Variants in ZNF726 observed in about 807,000 individuals in gnomAD.
ZNF726 encodes zinc finger protein 726.
Under a neutral mutation model 11.6 loss-of-function variants are expected in ZNF726, and 15 were observed. That is an observed-to-expected ratio of 1.29 (90% confidence interval 0.86 to 1.99). The LOEUF (loss-of-function observed/expected upper bound fraction) is 1.99. Ranked by LOEUF, ZNF726 falls within the 30% of genes most tolerant of loss-of-function variation. ZNF726 has a pLI of 0.00. For synonymous variants in ZNF726, 295 were observed against 243.6 expected (o/e 1.21, Z -1.96); for missense variants, 890 against 725.6 (o/e 1.23, Z -2.60).
intron 3 of ZNF726, chr19:23,929,061 G>A (rs969686478): frequency 6.6e-6 from 1 of 151,884 alleles, no homozygotes; most frequent in Non-Finnish European, 1.5e-5. Flanking sequence ...ACCTCTCAAA[G>A]TCCTGAGATT....
At chr19:23,936,039 A>C (rs1367912142), downstream of ZNF726, 1 of 152,240 alleles carries the variant, frequency 6.6e-6, no homozygotes, top group East Asian at 1.9e-4. Flanking sequence ...AGTTATTAAA[A>C]TTTTGTTCAA....
Position 23,932,943 on chromosome 19 carries a change from A to G in ZNF726, c.827A>G (p.Lys276Arg), listed in dbSNP as rs772042669. ...CAATCCTCAACACTAACCATACATA[A>G]GAGGATACATACTGGAGAGAAACCC... ...FSQSSTLTIH[K>R]RIHTGEKPCK... The change falls in exon 4 of 4, where the codon AAG becomes AGG. Residue 276 changes from lysine (K) to arginine (R), a missense_variant. Coordinates refer to ENST00000594466, the MANE Select transcript of ZNF726 (RefSeq NM_001244038.2). 6.5e-5 allele frequency: 105 copies of G among 1,611,730 alleles called. No individual in the cohort carries two copies. The highest frequency in any genetic ancestry group is 8.8e-5 in the Non-Finnish European group (104 of 1,179,598).
chr19:23,919,944 A>T (rs1214567433), intron 2 of ZNF726, 43 bp from the exon 3 acceptor site: 1 of 1,399,900 alleles, frequency 7.1e-7, no homozygotes, highest in Non-Finnish European at 9.8e-7. Context: ...TGGTAATTGG[A>T]GAATATGAGC....
At position 23,933,003 on chromosome 19, in the gene ZNF726, A is replaced by G. The variant is rs1968145980; in HGVS notation, c.887A>G (p.Gln296Arg). ...GAAGAATGTGGCAAAGCATTTAGCC[A>G]ACCCTCAGCACTAACCATACATAAG... ...KCEECGKAFS[Q>R]PSALTIHKRM... Residue 296 changes from glutamine (Q) to arginine (R), a missense_variant, in exon 4 of 4, where the codon CAA (glutamine) becomes CGA (arginine). Transcript: ENST00000594466. The G allele has an allele frequency of 6.2e-7, 1 of 1,612,026 alleles. No homozygotes were observed. Among genetic ancestry groups the G allele is most frequent in the South Asian group, 1.1e-5 (1 of 90,954 alleles).
At chr19:23,937,945 TTATG>T (rs2145000249), downstream of ZNF726, among the ~76,000 whole-genome samples, 2 of 152,376 alleles carry the variant, frequency 1.3e-5, no homozygotes, top group East Asian at 3.9e-4. Flanking sequence ...TATTTTTAAA[TTATG>T]TGTGAACTTA....
At chr19:23,921,312 G>A (rs1387658523) in intron 3 of ZNF726, 4 of 152,066 alleles carry the variant, frequency 2.6e-5, no homozygotes, top group Non-Finnish European at 5.9e-5. Flanking sequence ...TATATATATA[G>A]TTTGAAATTA....
chr19:23,923,611 C>T lies in ZNF726; in HGVS notation c.226+3529C>T, dbSNP rs180905926. ...ATTTTTAGTAGAAACGGGGTTTCAC[C>T]GTGCTCTCGATCTCCTGATCTCGTG... is the stretch of plus-strand genomic sequence containing the variant. On this transcript the variant is annotated intron_variant, in intron 3 of 3. Coordinates refer to ENST00000594466, the MANE Select transcript of ZNF726 (RefSeq NM_001244038.2). 398 of 181,914 alleles carry T rather than the reference C, an allele frequency of 2.2e-3. 2 individuals carry two copies. Among genetic ancestry groups the T allele is most frequent in the African/African-American group, 6.4e-3 (266 of 41,644 alleles). 11.3% of individuals were successfully genotyped at this position (181,914 alleles called of 1,614,324 possible). A position where few individuals can be genotyped will look rare whatever the true frequency, so the allele number is the denominator to read the frequency against.
At chr19:23,926,588 A>G (rs935932928) in intron 3 of ZNF726, among the ~76,000 whole-genome samples, 3 of 145,928 alleles carry the variant, frequency 2.1e-5, no homozygotes, top group African/African-American at 7.5e-5. Context: ...AAAAAAAAAA[A>G]AGTTATCTTC....
intron 3 of ZNF726, among the ~76,000 whole-genome samples, chr19:23,925,810 G>T (rs1276456817): frequency 6.8e-6 from 1 of 147,130 alleles, no homozygotes; most frequent in Non-Finnish European, 1.5e-5. Flanking sequence ...TCCGCCTCCT[G>T]GGTTCAAGCG....
At chr19:23,942,262 A>C (rs950446257) in intron 3 of ZNF726, among the ~76,000 whole-genome samples, 1 of 152,084 alleles carries the variant, frequency 6.6e-6, no homozygotes, top group South Asian at 2.1e-4. Flanking sequence ...ATGTATTTGC[A>C]TGGTTTTGAA....
intron 4 of ZNF726, chr19:23,943,643 AAG>A (rs761663176): frequency 3.7e-6 from 2 of 540,984 alleles, no homozygotes; most frequent in Non-Finnish European, 6.9e-6. Flanking sequence ...AAAGGTCAAA[AAG>A]AATGCCAGAC....
At chr19:23,937,269 G>T (rs1362822352), downstream of ZNF726, among the ~76,000 whole-genome samples, 1 of 151,698 alleles carries the variant, frequency 6.6e-6, no homozygotes, top group African/African-American at 2.4e-5. Context: ...CGGGGCGGCT[G>T]GCCGGGCGGG....
At chr19:23,930,330 G>A (rs1027009945) in intron 3 of ZNF726, among the ~76,000 whole-genome samples, 1 of 151,428 alleles carries the variant, frequency 6.6e-6, no homozygotes, top group African/African-American at 2.4e-5. Context: ...TGAATATATT[G>A]ATCTAGTTGA....
At chr19:23,943,550 T>C in exon 4 of ZNF726, 1 of 677,344 alleles carries the variant, frequency 1.5e-6, no homozygotes, top group Non-Finnish European at 2.7e-6. Flanking sequence ...AAAAGAGCCC[T>C]GGAATGTGAA....
downstream of ZNF726, among the ~76,000 whole-genome samples, chr19:23,937,534 A>G (rs1968264477): frequency 1.3e-5 from 2 of 150,128 alleles, no homozygotes; most frequent in South Asian, 2.1e-4. Context: ...TGCTCCCCAC[A>G]TCTCAGACGA....
At chr19:23,916,027 C>CT (rs538161411) in intron 1 of ZNF726, among the ~76,000 whole-genome samples, 250 of 151,414 alleles carry the variant, frequency 1.7e-3, no homozygotes, top group African/African-American at 5.7e-3. Context: ...TGAGTTTAGA[C>CT]TTTTTTTTTA....
At position 23,933,427 on chromosome 19, in the gene ZNF726, C is replaced by T. The variant is rs756253587; in HGVS notation, c.1311C>T (p.Ser437=). The change falls in exon 4 of 4, where the codon TCC becomes TCT. Residue 437 remains serine (S), a synonymous_variant. Transcript: ENST00000594466. ...AATGCGGCAAAGCGTTTATATGGTC[C>T]TCAAACCTTACTGAACATAAGAAAA... ...CEECGKAFIW[S]SNLTEHKKIH... 2.5e-6 allele frequency: 4 copies of T among 1,612,080 alleles called. No individual in the cohort carries two copies. The African/African-American group carries it at 5.4e-5, about 22-fold the overall frequency.
rs1219358214 is a variant in ZNF726, at chr19:23,919,465, G to C, written c.96G>C (p.Val32=). The part of the protein sequence containing the change: ...DTAQKNLYRN[V]MLENYRNLAF... Reference sequence around the variant, plus strand: ...CACAGAAGAATTTATATAGGAATGTGATGTTAGAGAACTACAGAAACCTGG... The same window carrying C: ...CACAGAAGAATTTATATAGGAATGTCATGTTAGAGAACTACAGAAACCTGG... The change falls in exon 2 of 4, where the codon GTG becomes GTC. Residue 32 remains valine (V), a synonymous_variant. Transcript: ENST00000594466. The C allele has an allele frequency of 1.9e-6, 3 of 1,606,248 alleles. No homozygotes were observed. Among genetic ancestry groups the C allele is most frequent in the South Asian group, 1.1e-5 (1 of 90,218 alleles).
chr19:23,934,064 T>A lies in ZNF726; in HGVS notation c.*97T>A. On this transcript the variant is annotated 3_prime_UTR_variant, in exon 4 of 4. Transcript: ENST00000594466. ...GCACACTGGAGAGAAACCCTACAAA[T>A]GTGAAGAATGTGAAAAAGCTTTTAA... 1 of 1,415,300 alleles carries A rather than the reference T, an allele frequency of 7.1e-7. No individual in the cohort carries two copies. Among genetic ancestry groups the A allele is most frequent in the Non-Finnish European group, 9.9e-7 (1 of 1,007,784 alleles). The allele number at this position is 1,415,300 out of a possible 1,614,324, so 87.7% of individuals were successfully genotyped here.
Sources: gnomAD v4.1 joint callset for allele counts (sites outside exome capture counted in the v4.1 genomes callset) on GRCh38, gnomAD v4.1.1 for gene constraint, MANE v1.5 for transcripts, NCBI Gene and HGNC (gene_info 2026-07-23, HGNC 2026-07-21) for gene names.